The following MSR1 variants were observed in gnomAD, a reference collection of about 807,000 sequenced individuals.
MSR1 encodes macrophage scavenger receptor 1, also known as macrophage scavenger receptor types I and II.
MSR1 carries 53 observed loss-of-function variants against 47.2 expected under a neutral mutation model. That is an observed-to-expected ratio of 1.12 (90% CI 0.90 to 1.41). MSR1 has a LOEUF of 1.41. MSR1 is among the 40% of genes most tolerant of loss of function. The pLI, the probability that MSR1 is intolerant of heterozygous loss-of-function variation, is 0.00. For synonymous variants in MSR1, 239 were observed against 185.6 expected (o/e 1.29, Z -2.34); for missense variants, 786 against 546.9 (o/e 1.44, Z -4.36).
intron 1 of MSR1, among the ~76,000 whole-genome samples, chr8:16,187,273 G>C (rs28544063): frequency 0.14 from 20,472 of 142,564 alleles, 1,803 homozygotes; most frequent in African/African-American, 0.24. Context: ...TGAGACAGGA[G>C]AATTGCTTGA....
intron 8 of MSR1, among the ~76,000 whole-genome samples, chr8:16,125,742 T>C (rs1800113695): frequency 6.6e-6 from 1 of 152,108 alleles, no homozygotes; most frequent in Admixed American, 6.5e-5. Flanking sequence ...ACTCTGCTCA[T>C]AACATTGTAT....
intron 9 of MSR1, 141 bp downstream of exon 9, chr8:16,120,277 T>C: frequency 1.2e-6 from 1 of 849,952 alleles, no homozygotes; most frequent in Non-Finnish European, 1.9e-6. Context: ...CTAGGCAGGC[T>C]AAGGGAGGAG....
At chr8:16,173,951 CT>C (rs1240282724) in intron 3 of MSR1, among the ~76,000 whole-genome samples, 1 of 151,902 alleles carries the variant, frequency 6.6e-6, no homozygotes, top group Non-Finnish European at 1.5e-5. Flanking sequence ...GCCCAGCTGA[CT>C]TTTTTGTTTT....
intron 9 of MSR1, among the ~76,000 whole-genome samples, chr8:16,116,492 A>G (rs1799878479): frequency 6.6e-6 from 1 of 152,290 alleles, no homozygotes; most frequent in South Asian, 2.1e-4. Context: ...CTGAAAATTT[A>G]GACAAATTAT....
At chr8:16,175,816 A>G (rs1462683559) in intron 2 of MSR1, among the ~76,000 whole-genome samples, 1 of 152,210 alleles carries the variant, frequency 6.6e-6, no homozygotes, top group Non-Finnish European at 1.5e-5. Flanking sequence ...ATTTGAATAC[A>G]GTGTAAACAA....
intron 1 of MSR1, among the ~76,000 whole-genome samples, chr8:16,181,201 G>A (rs1801821504): frequency 1.3e-5 from 2 of 152,042 alleles, no homozygotes. Context: ...AATCCTTTGG[G>A]AATATACGCA....
chr8:16,164,364 A>G (rs1801245786), intron 4 of MSR1, 113 bp from the exon 5 acceptor site: 1 of 811,870 alleles, frequency 1.2e-6, no homozygotes, highest in Admixed American at 2.3e-5. Flanking sequence ...TGGGAGTTTT[A>G]TGGAATAAGA....
At chr8:16,127,403 T>G (rs1034844322) in intron 8 of MSR1, among the ~76,000 whole-genome samples, 2 of 152,166 alleles carry the variant, frequency 1.3e-5, no homozygotes, top group African/African-American at 4.8e-5. Context: ...CTAAACATGA[T>G]TGAACAAGAT....
At chr8:16,140,677 T>C in intron 8 of MSR1, 1 of 1,295,374 alleles carries the variant, frequency 7.7e-7, no homozygotes, top group Non-Finnish European at 9.8e-7. Context: ...AGACTCTAGG[T>C]CAATGGGTGG....
In MSR1 at chr8:16,168,749, G is replaced by C. The variant is rs1585181587; in HGVS notation, c.339C>G (p.Val113=). ...DSEEEMRFQE[V]FMEHMSNMEK... is the part of the protein sequence containing the mutation. Reference sequence around the variant, plus strand: ...CCATGTTGCTCATGTGTTCCATAAAGACTTCTTGAAATCTCATTTCCTCTT... The same window carrying C: ...CCATGTTGCTCATGTGTTCCATAAACACTTCTTGAAATCTCATTTCCTCTT... Residue 113 remains valine (V), a synonymous_variant, in exon 4 of 10, where the codon GTC becomes GTG. Coordinates refer to ENST00000262101, the MANE Select transcript of MSR1 (RefSeq NM_138715.3). 6.2e-7 allele frequency: 1 copy of C among 1,614,084 alleles called. No homozygotes were observed. The highest frequency in any genetic ancestry group is 1.1e-5 in the South Asian group (1 of 91,078).
chr8:16,172,185 C>T (rs987281196), intron 3 of MSR1, among the ~76,000 whole-genome samples: 5 of 152,098 alleles, frequency 3.3e-5, no homozygotes, highest in African/African-American at 9.7e-5. Flanking sequence ...TATACTTTTA[C>T]TTTCACTGGA....
intron 8 of MSR1, chr8:16,139,380 T>G: frequency 6.4e-6 from 6 of 930,924 alleles, no homozygotes; most frequent in Non-Finnish European, 7.7e-6. Context: ...TCTTACTTGA[T>G]CCTCACAACA....
At chr8:16,155,790 GT>G (rs1442249836) in intron 5 of MSR1, among the ~76,000 whole-genome samples, 1 of 151,902 alleles carries the variant, frequency 6.6e-6, no homozygotes, top group Non-Finnish European at 1.5e-5. Context: ...AGGCAGGAAG[GT>G]GAAAATGAGT....
rs190166452 is a variant in MSR1, at chr8:16,156,803, G to A, written c.818-1659C>T. Among the ~76,000 whole-genome samples, 26 of 151,776 alleles carry A rather than the reference G, an allele frequency of 1.7e-4. No individual in the cohort carries two copies. In the East Asian group the frequency reaches 2.5e-3, roughly 15 times the overall value. On this transcript the variant is annotated intron_variant, in intron 5 of 9. Coordinates refer to ENST00000262101, the MANE Select transcript of MSR1 (RefSeq NM_138715.3). ...TTCTAAGGTATAGCTTAATTGCTGC[G>A]AGACATATATTTAAATGCTGCACAA...
rs907261956 is a variant in MSR1, at chr8:16,114,079, A to G, written c.1223-3861T>C. 3.3e-5 allele frequency among the ~76,000 whole-genome samples: 5 copies of G among 152,186 alleles called. 1 individual carries two copies. Among genetic ancestry groups the G allele is most frequent in the African/African-American group, 1.2e-4 (5 of 41,448 alleles). On this transcript the variant is annotated intron_variant, in intron 9 of 9. Transcript: ENST00000262101. The stretch of plus-strand genomic sequence containing the variant: ...AACATTCAAATGTTTACATTTTAAA[A>G]CATTCAACATGCAAGGAGCAGTATG...
chr8:16,112,146 T>A (rs532344113), intron 9 of MSR1, among the ~76,000 whole-genome samples: 21 of 152,260 alleles, frequency 1.4e-4, no homozygotes, highest in African/African-American at 4.6e-4. Context: ...TGAGGACACA[T>A]GGATGTGACA....
chr8:16,150,138 G>GTA, intron 7 of MSR1, 93 bp downstream of exon 7: 2 of 176,894 alleles, frequency 1.1e-5, no homozygotes, highest in South Asian at 1.4e-4. Context: ...ATGTGTGTGT[G>GTA]TGTATATATA....
intron 3 of MSR1, 100 bp from the exon 4 acceptor site, chr8:16,168,970 C>A (rs1000934444): frequency 1.6e-6 from 2 of 1,226,580 alleles, no homozygotes; most frequent in Admixed American, 1.9e-5. Flanking sequence ...TATTCCATTC[C>A]ATTCCAACAT....
chr8:16,157,228 C>T (rs1801037210), intron 5 of MSR1, among the ~76,000 whole-genome samples: 1 of 151,938 alleles, frequency 6.6e-6, no homozygotes, highest in African/African-American at 2.4e-5. Flanking sequence ...ATGGACTTCT[C>T]ACCATTTCTT....
Sources: allele counts gnomAD v4.1 joint callset (sites outside exome capture counted in the v4.1 genomes callset), GRCh38; gene constraint gnomAD v4.1.1; transcripts MANE v1.5; gene names NCBI Gene and HGNC (gene_info 2026-07-23, HGNC 2026-07-21).